Variants in AUTS2 observed in about 807,000 individuals in gnomAD.
AUTS2 encodes autism susceptibility gene 2 protein.
In AUTS2, 17 loss-of-function variants were observed where a neutral mutation model predicts 112.4. The observed-to-expected ratio is 0.15, with a 90% CI of 0.10 to 0.23. The LOEUF (loss-of-function observed/expected upper bound fraction) is 0.23, where lower values mean the gene tolerates loss of function less well. AUTS2 is among the 10% of genes least tolerant of loss of function. The pLI is 1.00. For synonymous variants in AUTS2, 751 were observed against 702.7 expected, an observed-to-expected ratio of 1.07 and a Z score of -1.09; for missense variants, 1,510 against 1,701.6, an observed-to-expected ratio of 0.89 and a Z score of 1.98.
chr7:69,736,652 C>G (rs184388236), intron 1 of AUTS2, among the ~76,000 whole-genome samples: 6 of 152,322 alleles, frequency 3.9e-5, no homozygotes, highest in Non-Finnish European at 5.9e-5. Context: ...AGTAAGCAGG[C>G]TGTAAGTCAG....
chr7:69,602,040 A>ATGTGTGTGTG (rs6150156), intron 1 of AUTS2, among the ~76,000 whole-genome samples: 8 of 46,242 alleles, frequency 1.7e-4, no homozygotes, highest in Non-Finnish European at 2.8e-4. Context: ...ATATATATAT[A>ATGTGTGTGTG]TGTGTGTGTG....
At chr7:69,645,101 G>A (rs1794967095) in intron 1 of AUTS2, among the ~76,000 whole-genome samples, 1 of 143,388 alleles carries the variant, frequency 7.0e-6, no homozygotes, top group South Asian at 2.2e-4. Flanking sequence ...TGGTAGAGAT[G>A]AGGTCTTGCA....
chr7:70,167,625 T>G (rs1354784120), intron 4 of AUTS2, among the ~76,000 whole-genome samples: 1 of 152,168 alleles, frequency 6.6e-6, no homozygotes, highest in Non-Finnish European at 1.5e-5. Flanking sequence ...TTTGTCCAAA[T>G]GCACATGCCA....
At chr7:69,923,220 G>C (rs1469550428) in intron 2 of AUTS2, among the ~76,000 whole-genome samples, 1 of 152,102 alleles carries the variant, frequency 6.6e-6, no homozygotes, top group African/African-American at 2.4e-5. Context: ...TTTTCTGAAG[G>C]CATTTTTGAA....
chr7:70,219,589 T>TTG lies in AUTS2; in HGVS notation c.660+85018_660+85019insTG, dbSNP rs1274481316. On this transcript the variant is annotated intron_variant, in intron 4 of 18. Coordinates refer to ENST00000342771, the MANE Select transcript of AUTS2 (RefSeq NM_015570.4). ...TTTCTTTTCCTTTTTTTTTTTTTTT[T>TTG]GAGAGAGAGTCTCGCTCTGTTGCCT... is the stretch of plus-strand genomic sequence containing the variant. Among the ~76,000 whole-genome samples the TTG allele has an allele frequency of 2.6e-5, 4 of 151,158 alleles. No homozygotes were observed. In the East Asian group the frequency reaches 7.8e-4, roughly 29 times the overall value.
intron 2 of AUTS2, among the ~76,000 whole-genome samples, chr7:70,079,433 T>G (rs948490559): frequency 7.9e-5 from 12 of 152,026 alleles, no homozygotes; most frequent in Admixed American, 2.0e-4. Context: ...ACCCAGGAGA[T>G]GGAGGTTACA....
chr7:70,022,113 T>C (rs1237961928), intron 2 of AUTS2, among the ~76,000 whole-genome samples: 1 of 149,378 alleles, frequency 6.7e-6, no homozygotes, highest in Non-Finnish European at 1.5e-5. Flanking sequence ...AAGAGGCTAC[T>C]AGATGACATA....
intron 6 of AUTS2, among the ~76,000 whole-genome samples, chr7:70,752,685 A>G (rs1358945680): frequency 6.6e-6 from 1 of 152,170 alleles, no homozygotes; most frequent in Non-Finnish European, 1.5e-5. Flanking sequence ...TTTCCCCCGT[A>G]TGAAGTGACA....
chr7:70,017,983 C>A (rs536223377), intron 2 of AUTS2, among the ~76,000 whole-genome samples: 1 of 151,848 alleles, frequency 6.6e-6, no homozygotes, highest in African/African-American at 2.4e-5. Flanking sequence ...ATCCTGAGAG[C>A]CTAGAAGGAG....
intron 1 of AUTS2, among the ~76,000 whole-genome samples, chr7:69,730,800 G>A (rs991025869): frequency 6.6e-6 from 1 of 152,108 alleles, no homozygotes; most frequent in Non-Finnish European, 1.5e-5. Flanking sequence ...GGGATCTTTG[G>A]TGTTTTCCAA....
chr7:70,675,627 G>A (rs962808865), intron 5 of AUTS2, among the ~76,000 whole-genome samples: 1 of 152,232 alleles, frequency 6.6e-6, no homozygotes, highest in East Asian at 1.9e-4. Context: ...GAAGCAGTTT[G>A]TCTCTGCTCC....
intron 1 of AUTS2, among the ~76,000 whole-genome samples, chr7:69,851,465 G>C (rs778870723): frequency 1.4e-4 from 21 of 152,110 alleles, no homozygotes; most frequent in Non-Finnish European, 2.9e-4. Context: ...GCTCAGGCTG[G>C]TCTTAAACAC....
chr7:70,559,064 G>T (rs928465678), intron 5 of AUTS2, among the ~76,000 whole-genome samples: 2 of 152,138 alleles, frequency 1.3e-5, no homozygotes, highest in African/African-American at 4.8e-5. Context: ...TGCTGTTCTC[G>T]TGATAGTGAA....
chr7:69,615,311 AT>A (rs202137961), intron 1 of AUTS2, among the ~76,000 whole-genome samples: 2,118 of 151,058 alleles, frequency 0.014, 25 homozygotes, highest in Middle Eastern at 0.031. Context: ...CTTTAGCATT[AT>A]TTTTTTTTGA....
At chr7:69,918,253 A>C (rs1562968021) in intron 2 of AUTS2, among the ~76,000 whole-genome samples, 2 of 152,240 alleles carry the variant, frequency 1.3e-5, no homozygotes, top group South Asian at 2.1e-4. Context: ...ATTACTGCAA[A>C]TTTTGGTGGT....
At chr7:70,672,241 G>A (rs1003675158) in intron 5 of AUTS2, among the ~76,000 whole-genome samples, 7 of 152,242 alleles carry the variant, frequency 4.6e-5, no homozygotes, top group Non-Finnish European at 1.0e-4. Context: ...GCGGAAGCTG[G>A]GGAACTGGTG....
At position 70,266,159 on chromosome 7, in the gene AUTS2, A is replaced by T. The variant is rs202044265; in HGVS notation, c.660+131588A>T. Reference sequence around the variant, plus strand: ...CAACCCAAATGTTCATAAACTAATAAGTGGATAAACAAAATGTGGTGTATC... The same window carrying T: ...CAACCCAAATGTTCATAAACTAATATGTGGATAAACAAAATGTGGTGTATC... On this transcript the variant is annotated intron_variant, in intron 4 of 18. Coordinates refer to ENST00000342771, the MANE Select transcript of AUTS2 (RefSeq NM_015570.4). Among the ~76,000 whole-genome samples, 26 of 152,376 alleles carry T rather than the reference A, an allele frequency of 1.7e-4. No individual in the cohort carries two copies. In the East Asian group the frequency reaches 4.6e-3, roughly 27 times the overall value.
intron 2 of AUTS2, among the ~76,000 whole-genome samples, chr7:70,001,178 T>C (rs1171469668): frequency 2.6e-5 from 4 of 152,120 alleles, no homozygotes; most frequent in Non-Finnish European, 4.4e-5. Flanking sequence ...CAGGCTGGAG[T>C]GCAGAGGTGT....
chr7:70,787,154 C>G (rs751032648), intron 17 of AUTS2, 55 bp from the exon 18 acceptor site: 7 of 1,548,782 alleles, frequency 4.5e-6, no homozygotes, highest in Non-Finnish European at 6.2e-6. Context: ...ACCTTCATTA[C>G]AGCAGATTAT....
Sources: allele counts gnomAD v4.1 joint callset (sites outside exome capture counted in the v4.1 genomes callset), GRCh38; gene constraint gnomAD v4.1.1; transcripts MANE v1.5; gene names NCBI Gene and HGNC (gene_info 2026-07-23, HGNC 2026-07-21).